Variants in CHUK observed in about 807,000 individuals in gnomAD.
The protein encoded by CHUK is component of inhibitor of nuclear factor kappa B kinase complex, also known as inhibitor of nuclear factor kappa-B kinase subunit alpha.
A neutral mutation model predicts 104.8 loss-of-function variants in CHUK; 35 were observed. The observed-to-expected ratio is 0.33, with a 90% confidence interval of 0.26 to 0.44. The LOEUF (loss-of-function observed/expected upper bound fraction) is 0.44. CHUK is among the 20% of genes least tolerant of loss of function. The pLI, the probability that CHUK is intolerant of heterozygous loss-of-function variation, is 1.00. For missense variants in CHUK, 663 were observed against 902.7 expected (o/e 0.73, Z 3.40); for synonymous variants, 276 against 291.9 (o/e 0.95, Z 0.56).
intron 9 of CHUK, among the ~76,000 whole-genome samples, chr10:100,216,768 G>A (rs1474490666): frequency 1.3e-5 from 2 of 152,044 alleles, no homozygotes; most frequent in Non-Finnish European, 2.9e-5. Context: ...GTTGTTTCTG[G>A]GTACACTGCA....
chr10:100,201,976 C>T, intron 14 of CHUK, 112 bp downstream of exon 14: 2 of 837,180 alleles, frequency 2.4e-6, no homozygotes, highest in South Asian at 2.7e-5. Flanking sequence ...AGAATTTTGT[C>T]TGAATTTCAG....
At chr10:100,228,543 C>T (rs1286169379) in intron 1 of CHUK, among the ~76,000 whole-genome samples, 1 of 152,016 alleles carries the variant, frequency 6.6e-6, no homozygotes, top group Admixed American at 6.6e-5. Context: ...GTAATCCCAG[C>T]TACTCAGGAG....
At chr10:100,216,949 T>C (rs962703191) in intron 9 of CHUK, among the ~76,000 whole-genome samples, 20 of 152,158 alleles carry the variant, frequency 1.3e-4, no homozygotes. Flanking sequence ...TATATGAAGA[T>C]GCATGAATGG....
chr10:100,223,373 T>G (rs189896605), intron 2 of CHUK, among the ~76,000 whole-genome samples: 34 of 152,172 alleles, frequency 2.2e-4, no homozygotes, highest in African/African-American at 8.2e-4. Context: ...CTGGGTGTAG[T>G]TGTAACTGTA....
chr10:100,223,273 TA>T (rs149774178), intron 2 of CHUK, among the ~76,000 whole-genome samples: 2,038 of 152,342 alleles, frequency 0.013, 48 homozygotes, highest in African/African-American at 0.047. Flanking sequence ...GTAGATTTAT[TA>T]ATACTTTCAC....
rs897821055 is a variant in CHUK, at chr10:100,205,081, T to G, written c.1350A>C (p.Ala450=). The change falls in exon 12 of 21, where the codon GCA becomes GCC. Residue 450 remains alanine (A), a synonymous_variant. Transcript: ENST00000370397. Reference sequence around the variant, plus strand: ...AAACAACAGAATCCACTTACATTGCTGCCCTTTGTCCCTGAAAGAGCCTGC... The same window carrying G: ...AAACAACAGAATCCACTTACATTGCGGCCCTTTGTCCCTGAAAGAGCCTGC... ...DYSRLFQGQR[A]AMLSLLRYNA... The G allele has an allele frequency of 6.2e-7, 1 of 1,614,062 alleles. No individual in the cohort carries two copies. The highest frequency in any genetic ancestry group is 1.3e-5 in the African/African-American group (1 of 74,946).
chr10:100,205,270 C>T, intron 11 of CHUK, 71 bp from the exon 12 acceptor site: 1 of 1,502,572 alleles, frequency 6.7e-7, no homozygotes, highest in Non-Finnish European at 9.3e-7. Flanking sequence ...GTTGATTTAT[C>T]ATTCTTTGTG....
downstream of CHUK, chr10:100,186,424 A>C: frequency 5.5e-6 from 1 of 182,024 alleles, no homozygotes; most frequent in Non-Finnish European, 1.1e-5. Flanking sequence ...GAGCAACTAA[A>C]CTTGTTGCAA....
rs773309102 is a variant in CHUK at position 100,220,696 on chromosome 10, T to C, written c.386-20A>G. On this transcript the variant is annotated intron_variant, in intron 4 of 20. Transcript: ENST00000370397. ...CAGACCCTAAATAAAGTTTAAAATATACTTTAAAGTAACAGAAATCATTGA... is the reference window on the plus strand; with the variant it reads ...CAGACCCTAAATAAAGTTTAAAATACACTTTAAAGTAACAGAAATCATTGA... 7 of 1,498,484 alleles carry C rather than the reference T, an allele frequency of 4.7e-6. No homozygotes were observed. In the African/African-American group the frequency reaches 8.3e-5, roughly 18 times the overall value. 92.8% of individuals were successfully genotyped at this position (1,498,484 alleles called of 1,614,324 possible).
intron 16 of CHUK, among the ~76,000 whole-genome samples, chr10:100,197,422 T>C (rs1310206220): frequency 6.6e-6 from 1 of 152,156 alleles, no homozygotes; most frequent in Non-Finnish European, 1.5e-5. Context: ...GAGAATAGTC[T>C]AGATAAGCAG....
chr10:100,205,666 G>T (rs765001526), intron 11 of CHUK, among the ~76,000 whole-genome samples: 1 of 152,170 alleles, frequency 6.6e-6, no homozygotes, highest in African/African-American at 2.4e-5. Flanking sequence ...GATGGCTCAC[G>T]CCTGTAATCC....
Position 100,190,944 on chromosome 10 carries a change from T to G in CHUK, c.2133A>C (p.Glu711Asp), listed in dbSNP as rs781653061. 45 of 1,610,640 alleles carry G rather than the reference T, an allele frequency of 2.8e-5. No individual in the cohort carries two copies. The highest frequency in any genetic ancestry group is 3.8e-5 in the Non-Finnish European group (45 of 1,176,890). Residue 711 changes from glutamate to aspartate, a missense_variant, in exon 20 of 21, where the codon GAA becomes GAC. This residue lies in a region of CHUK where 311 missense variants were observed against 393.4 expected (regional missense o/e 0.79). Transcript: ENST00000370397. ...AATGGCCAAGGCAGTTCAAATTTTC[T>G]TCTATCATTTGTGCTGAAGTCTCCC... is the stretch of plus-strand genomic sequence containing the variant. The part of the protein sequence containing the change: ...QDGETSAQMI[E>D]ENLNCLGHLS...
chr10:100,229,558 G>C lies in CHUK; in HGVS notation c.-26C>G. On this transcript the variant is annotated 5_prime_UTR_variant, in exon 1 of 21. Coordinates refer to ENST00000370397, the MANE Select transcript of CHUK (RefSeq NM_001278.5). Reference sequence around the variant, plus strand: ...GGGGCGGGAGGGCAAGCGGCCTCAGGTTCCACAGTTGTTCCAAGGCCGGTT... The same window carrying C: ...GGGGCGGGAGGGCAAGCGGCCTCAGCTTCCACAGTTGTTCCAAGGCCGGTT... 6.9e-7 allele frequency: 1 copy of C among 1,444,820 alleles called. No homozygotes were observed. Among genetic ancestry groups the C allele is most frequent in the South Asian group, 1.2e-5 (1 of 80,902 alleles). The allele number at this position is 1,444,820 out of a possible 1,614,324, so 89.5% of individuals were successfully genotyped here. A position where few individuals can be genotyped will look rare whatever the true frequency, so the allele number is the denominator to read the frequency against.
chr10:100,193,313 A>G lies in CHUK; in HGVS notation c.2093T>C (p.Val698Ala). 6.2e-7 allele frequency: 1 copy of G among 1,614,140 alleles called. No individual in the cohort carries two copies. Among genetic ancestry groups the G allele is most frequent in the Non-Finnish European group, 8.5e-7 (1 of 1,179,982 alleles). The change falls in exon 19 of 21, where the codon GTA (valine) becomes GCA (alanine). Residue 698 changes from valine to alanine, a missense_variant. Coordinates refer to ENST00000370397, the MANE Select transcript of CHUK (RefSeq NM_001278.5). ...AEHDHSLSCV[V>A]TPQDGETSAQ... Reference sequence around the variant, plus strand: ...GTAAACCCACCCATCTTGAGGAGTTACCACACATGACAGAGAATGATCATG... The same window carrying G: ...GTAAACCCACCCATCTTGAGGAGTTGCCACACATGACAGAGAATGATCATG...
At chr10:100,193,277 A>G (rs975783047) in intron 19 of CHUK, 21 bp downstream of exon 19, 11 of 1,613,384 alleles carry the variant, frequency 6.8e-6, no homozygotes, top group Admixed American at 1.7e-5. Context: ...ACAGCTATCT[A>G]TTGTTACAAA....
At position 100,189,556 on chromosome 10, in the gene CHUK, C is replaced by T. The variant is rs1266320344; in HGVS notation, c.*42G>A. On this transcript the variant is annotated 3_prime_UTR_variant, in exon 21 of 21. Coordinates refer to ENST00000370397, the MANE Select transcript of CHUK (RefSeq NM_001278.5). ...AAAAACACATTTCCAACATGTATAG[C>T]AACAACTTCCATAGGTTTGGGGACA... is the stretch of plus-strand genomic sequence containing the variant. 1 of 1,548,216 alleles carries T rather than the reference C, an allele frequency of 6.5e-7. No individual in the cohort carries two copies. The highest frequency in any genetic ancestry group is 1.4e-5 in the African/African-American group (1 of 73,580).
chr10:100,194,053 A>G lies in CHUK; in HGVS notation c.1905T>C (p.Ala635=), dbSNP rs775577762. The change falls in exon 18 of 21, where the codon GCT becomes GCC. Residue 635 remains alanine, a synonymous_variant. Transcript: ENST00000370397. ...VEVALSNIKE[A]DNTVMFMQGK... Reference sequence around the variant, plus strand: ...CCTGCATGAACATGACAGTATTGTCAGCTTCTTTGATATTACTGAGGGCCA... The same window carrying G: ...CCTGCATGAACATGACAGTATTGTCGGCTTCTTTGATATTACTGAGGGCCA... The G allele has an allele frequency of 4.3e-6, 7 of 1,613,624 alleles. No homozygotes were observed. In the African/African-American group the frequency reaches 9.3e-5, roughly 22 times the overall value.
intron 13 of CHUK, among the ~76,000 whole-genome samples, chr10:100,203,999 T>C (rs1301394926): frequency 6.6e-6 from 1 of 152,222 alleles, no homozygotes; most frequent in Non-Finnish European, 1.5e-5. Flanking sequence ...TAGATGACCA[T>C]CTTCTTGCTC....
chr10:100,223,074 G>A, intron 2 of CHUK, 94 bp from the exon 3 acceptor site: 1 of 683,588 alleles, frequency 1.5e-6, no homozygotes, highest in Non-Finnish European at 2.7e-6. Context: ...TGGATGAACA[G>A]AGGGGGAAAG....
Sources: allele counts gnomAD v4.1 joint callset (sites outside exome capture counted in the v4.1 genomes callset), GRCh38; gene constraint gnomAD v4.1.1; regional missense constraint gnomAD v4.1.1; transcripts MANE v1.5; gene names NCBI Gene and HGNC (gene_info 2026-07-23, HGNC 2026-07-21).